Variants in CREB5 observed in about 807,000 individuals in gnomAD.
CREB5 encodes the protein cyclic AMP-responsive element-binding protein 5.
In CREB5, 19 loss-of-function variants were observed where a neutral mutation model predicts 57.1. The ratio of observed to expected loss-of-function variants is 0.33; its 90% confidence interval spans 0.23 to 0.49. The LOEUF is 0.49. CREB5 is among the 20% of genes least tolerant of loss of function. The pLI, the probability that CREB5 is intolerant of heterozygous loss-of-function variation, is 0.99. For missense variants in CREB5, 579 were observed against 671.6 expected (o/e 0.86, Z 1.52); for synonymous variants, 238 against 238.3 (o/e 1.00, Z 0.01).
At chr7:28,691,986 C>A (rs531835724) in intron 5 of CREB5, among the ~76,000 whole-genome samples, 2 of 137,100 alleles carry the variant, frequency 1.5e-5, no homozygotes, top group South Asian at 2.3e-4. Flanking sequence ...CTAGGCAACA[C>A]GGTGAAACCC....
At chr7:28,804,671 A>C in intron 8 of CREB5, 149 bp downstream of exon 8, 1 of 956,370 alleles carries the variant, frequency 1.0e-6, no homozygotes, top group Non-Finnish European at 1.6e-6. Flanking sequence ...CCTAGGAGGC[A>C]AGCCTTACCC....
intron 5 of CREB5, among the ~76,000 whole-genome samples, chr7:28,577,765 C>A (rs748334715): frequency 6.6e-6 from 1 of 152,140 alleles, no homozygotes; most frequent in Non-Finnish European, 1.5e-5. Context: ...TTCTTTTCAG[C>A]ACTAAAATGT....
chr7:28,552,142 G>A (rs576901278), intron 4 of CREB5, among the ~76,000 whole-genome samples: 1 of 151,976 alleles, frequency 6.6e-6, no homozygotes. Flanking sequence ...CCCAGTTCAA[G>A]TGATTCTCCT....
intron 4 of CREB5, among the ~76,000 whole-genome samples, chr7:28,516,440 G>C (rs891129401): frequency 2.0e-5 from 3 of 152,092 alleles, no homozygotes; most frequent in Non-Finnish European, 4.4e-5. Context: ...TACAACATTG[G>C]GACTGAAGTG....
intron 5 of CREB5, among the ~76,000 whole-genome samples, chr7:28,583,146 G>C (rs889767121): frequency 1.3e-5 from 2 of 152,248 alleles, no homozygotes; most frequent in Admixed American, 6.5e-5. Context: ...AACTTAGTTG[G>C]GTTTCCACAT....
intron 5 of CREB5, among the ~76,000 whole-genome samples, chr7:28,702,144 G>A (rs908642805): frequency 5.9e-5 from 9 of 152,234 alleles, no homozygotes; most frequent in South Asian, 4.2e-4. Context: ...ATAGCAGTCC[G>A]TGGCACTTAT....
chr7:28,470,385 T>C (rs1273882906), intron 1 of CREB5, among the ~76,000 whole-genome samples: 1 of 152,218 alleles, frequency 6.6e-6, no homozygotes, highest in African/African-American at 2.4e-5. Context: ...TTCATCCATA[T>C]TGTTGCAAAT....
upstream of CREB5, chr7:28,410,425 C>CTT: frequency 2.2e-6 from 1 of 456,740 alleles, no homozygotes; most frequent in Middle Eastern, 3.3e-4. Context: ...ATCACTTGAA[C>CTT]TTTTCACGAA....
At chr7:28,309,484 G>C (rs1005936055) in intron 1 of CREB5, among the ~76,000 whole-genome samples, 1 of 152,092 alleles carries the variant, frequency 6.6e-6, no homozygotes, top group Non-Finnish European at 1.5e-5. Flanking sequence ...CCTTTCCAGG[G>C]ATAGAGGCTT....
intron 1 of CREB5, among the ~76,000 whole-genome samples, chr7:28,423,250 A>T (rs1045013148): frequency 1.1e-4 from 17 of 152,148 alleles, no homozygotes; most frequent in African/African-American, 4.1e-4. Context: ...CTGAGCCTAA[A>T]TTCCTTTCCT....
intron 5 of CREB5, among the ~76,000 whole-genome samples, chr7:28,714,300 G>A (rs1399584705): frequency 6.6e-6 from 1 of 152,106 alleles, no homozygotes; most frequent in African/African-American, 2.4e-5. Context: ...AAGAAAATGG[G>A]AAGATCAATA....
At chr7:28,741,753 C>T (rs1261631348) in intron 7 of CREB5, among the ~76,000 whole-genome samples, 2 of 152,050 alleles carry the variant, frequency 1.3e-5, no homozygotes, top group African/African-American at 4.8e-5. Flanking sequence ...AAGATATATC[C>T]ATTTCATAGC....
In CREB5 at chr7:28,439,530, G is replaced by A. The variant is rs142579507; in HGVS notation, c.3+26613G>A. On this transcript the variant is annotated intron_variant, in intron 1 of 10. Transcript: ENST00000357727. ...GGCATTCATTTAATCCTTACAATGA[G>A]GTGGTTGCCATTATCAGCCCCAGTT... is the stretch of plus-strand genomic sequence containing the variant. 2.3e-3 allele frequency among the ~76,000 whole-genome samples: 355 copies of A among 152,278 alleles called. 2 individuals are homozygous for A. The highest frequency in any genetic ancestry group is 0.01 in the Middle Eastern group (3 of 294).
chr7:28,415,966 C>A (rs796954584), intron 1 of CREB5, among the ~76,000 whole-genome samples: 9 of 152,236 alleles, frequency 5.9e-5, no homozygotes, highest in African/African-American at 2.2e-4. Context: ...GAAGTATGTT[C>A]TTTGAGGTTT....
intron 5 of CREB5, among the ~76,000 whole-genome samples, chr7:28,642,716 G>C (rs1191487312): frequency 6.6e-6 from 1 of 152,160 alleles, no homozygotes; most frequent in Non-Finnish European, 1.5e-5. Flanking sequence ...GATTGCTCAT[G>C]TATTAGTCTC....
rs1321734258 is a variant in CREB5, at chr7:28,601,767, C to T, written c.464+31230C>T. 2.6e-5 allele frequency among the ~76,000 whole-genome samples: 4 copies of T among 152,248 alleles called. No homozygotes were observed. In the South Asian group the frequency reaches 8.3e-4, roughly 32 times the overall value. Reference sequence around the variant, plus strand: ...GTAAGCAAGGCAGATCAAAACCACTCAGCAGTCTTGGAGATTGTTAATTCA... The same window carrying T: ...GTAAGCAAGGCAGATCAAAACCACTTAGCAGTCTTGGAGATTGTTAATTCA... On this transcript the variant is annotated intron_variant, in intron 5 of 10. Coordinates refer to ENST00000357727, the MANE Select transcript of CREB5 (RefSeq NM_182898.4).
chr7:28,468,844 A>G (rs1052164265), intron 1 of CREB5, among the ~76,000 whole-genome samples: 1 of 152,210 alleles, frequency 6.6e-6, no homozygotes, highest in African/African-American at 2.4e-5. Context: ...CCTATTTTGC[A>G]GACTAGAGAA....
rs964210889 is a variant in CREB5 at position 28,823,429 on chromosome 7, A to C, written c.*4150A>C. Reference sequence around the variant, plus strand: ...TTTTTAAAGTGTTAGTCCATAATAAACTACTATAGTTATGTGTATTTTCAT... The same window carrying C: ...TTTTTAAAGTGTTAGTCCATAATAACCTACTATAGTTATGTGTATTTTCAT... On this transcript the variant is annotated 3_prime_UTR_variant, in exon 11 of 11. Transcript: ENST00000357727. 1 of 152,532 alleles carries C rather than the reference A, an allele frequency of 6.6e-6. No individual in the cohort carries two copies. The highest frequency in any genetic ancestry group is 1.5e-5 in the Non-Finnish European group (1 of 68,032). The allele number at this position is 152,532 out of a possible 1,614,324, so 9.4% of individuals were successfully genotyped here. A position where few individuals can be genotyped will look rare whatever the true frequency, so the allele number is the denominator to read the frequency against.
chr7:28,391,005 G>C lies in CREB5; in HGVS notation c.-25+91564G>C, dbSNP rs559904974. Among the ~76,000 whole-genome samples, 39 of 152,000 alleles carry C rather than the reference G, an allele frequency of 2.6e-4. No homozygotes were observed. In the South Asian group the frequency reaches 8.1e-3, roughly 32 times the overall value. ...CTGGTATATTTATTTTACTTTTATT[G>C]AATTTTCAAGTCTTTGTTGATAATT... On this transcript the variant is annotated intron_variant, in intron 1 of 9. Coordinates refer to the CREB5 transcript ENST00000396299.
Sources: gnomAD v4.1 joint callset for allele counts (sites outside exome capture counted in the v4.1 genomes callset) on GRCh38, gnomAD v4.1.1 for gene constraint, MANE v1.5 for transcripts, NCBI Gene and HGNC (gene_info 2026-07-23, HGNC 2026-07-21) for gene names.